The following VIT variants were observed in gnomAD, a reference collection of about 807,000 sequenced individuals.
VIT encodes the protein vitrin.
Under a neutral mutation model 78.0 loss-of-function variants are expected in VIT, and 99 were observed. That is an observed-to-expected ratio of 1.27 (90% CI 1.08 to 1.50). The LOEUF (loss-of-function observed/expected upper bound fraction) is 1.50. Among genes scored for constraint, VIT ranks in the 40% most tolerant of loss-of-function variants. The probability of loss-of-function intolerance (pLI) is 0.00; values close to 1 mark genes in which losing one functional copy is unlikely to be tolerated. For missense variants in VIT, 1,126 were observed against 875.3 expected, an observed-to-expected ratio of 1.29 and a Z score of -3.61; for synonymous variants, 374 against 334.3, an observed-to-expected ratio of 1.12 and a Z score of -1.29.
intron 3 of VIT, among the ~76,000 whole-genome samples, chr2:36,730,220 G>A (rs1330258189): frequency 4.6e-5 from 7 of 151,670 alleles, no homozygotes; most frequent in South Asian, 2.1e-4. Flanking sequence ...CCTGGGAGAT[G>A]CAGATTGCAG....
chr2:36,790,385 C>G (rs957216512), intron 12 of VIT, among the ~76,000 whole-genome samples: 3 of 152,204 alleles, frequency 2.0e-5, no homozygotes, highest in African/African-American at 7.2e-5. Flanking sequence ...GGTTTCTGAT[C>G]CTTCATAACT....
At chr2:36,748,546 T>A (rs1668273662) in intron 4 of VIT, among the ~76,000 whole-genome samples, 1 of 152,244 alleles carries the variant, frequency 6.6e-6, no homozygotes, top group African/African-American at 2.4e-5. Context: ...CTTCCAAATG[T>A]ATTATGAAAT....
chr2:36,723,411 G>A (rs72783146), intron 2 of VIT, among the ~76,000 whole-genome samples: 13,806 of 152,178 alleles, frequency 0.091, 663 homozygotes, highest in East Asian at 0.14. Flanking sequence ...GGCCCTGCCT[G>A]CTTATACTTC....
chr2:36,704,178 G>A (rs35430590), intron 1 of VIT, among the ~76,000 whole-genome samples: 48,443 of 151,754 alleles, frequency 0.32, 8,725 homozygotes, highest in Middle Eastern at 0.47. Flanking sequence ...CACCCACCTC[G>A]GCCTCCCAAA....
Position 36,699,814 on chromosome 2 carries a change from C to T in VIT, c.-19+2841C>T, listed in dbSNP as rs560690114. ...ATGCCTTAATTTAAAGCCTTACATG[C>T]GAGGTCAAGGCAAAAATGGACCTTC... On this transcript the variant is annotated intron_variant, in intron 1 of 15. Transcript: ENST00000379242. Among the ~76,000 whole-genome samples the T allele has an allele frequency of 7.2e-5, 11 of 152,188 alleles. No homozygotes were observed. In the East Asian group the frequency reaches 1.5e-3, roughly 21 times the overall value.
intron 2 of VIT, among the ~76,000 whole-genome samples, chr2:36,725,976 C>T (rs921016090): frequency 3.3e-5 from 5 of 151,324 alleles, no homozygotes; most frequent in Admixed American, 2.0e-4. Context: ...GAAGCTGGGT[C>T]AGGAGAATCG....
At chr2:36,733,983 T>C (rs1245612933) in intron 3 of VIT, among the ~76,000 whole-genome samples, 1 of 152,202 alleles carries the variant, frequency 6.6e-6, no homozygotes, top group Admixed American at 6.5e-5. Flanking sequence ...TTTAAACAAA[T>C]CACTTTAGCT....
At chr2:36,760,958 TC>T (rs1669080401) in intron 6 of VIT, among the ~76,000 whole-genome samples, 2 of 151,440 alleles carry the variant, frequency 1.3e-5, no homozygotes, top group South Asian at 4.2e-4. Flanking sequence ...GCTGCACCCC[TC>T]CCCCTCTCAG....
chr2:36,749,572 T>C (rs1479259071), intron 4 of VIT, among the ~76,000 whole-genome samples: 3 of 152,258 alleles, frequency 2.0e-5, no homozygotes, highest in Non-Finnish European at 4.4e-5. Context: ...TTTCTACTAC[T>C]CTTATGCACA....
intron 15 of VIT, among the ~76,000 whole-genome samples, chr2:36,809,353 T>C (rs1666982900): frequency 6.6e-6 from 1 of 152,204 alleles, no homozygotes; most frequent in African/African-American, 2.4e-5. Context: ...CAAACCTCCA[T>C]CTCTATTGAA....
intron 3 of VIT, among the ~76,000 whole-genome samples, chr2:36,737,888 C>T (rs929664899): frequency 4.6e-5 from 7 of 152,126 alleles, no homozygotes; most frequent in African/African-American, 1.7e-4. Flanking sequence ...TTTCTCAGAC[C>T]ATGAAAAAGG....
chr2:36,709,333 G>A (rs566932146), intron 1 of VIT, among the ~76,000 whole-genome samples: 5 of 152,272 alleles, frequency 3.3e-5, no homozygotes, highest in African/African-American at 1.2e-4. Flanking sequence ...ACCTTTGCAT[G>A]CTTCCAATTC....
chr2:36,814,540 A>G lies in VIT; in HGVS notation c.*179A>G. 1.3e-6 allele frequency: 1 copy of G among 768,644 alleles called. No homozygotes were observed. Among genetic ancestry groups the G allele is most frequent in the Non-Finnish European group, 2.0e-6 (1 of 499,736 alleles). The allele number at this position is 768,644 out of a possible 1,614,324, so 47.6% of individuals were successfully genotyped here. ...CATATTCCAAAACTTGGAGTTACAAAGATGATCACAAACGTATAGAATGAG... is the reference window on the plus strand; with the variant it reads ...CATATTCCAAAACTTGGAGTTACAAGGATGATCACAAACGTATAGAATGAG... On this transcript the variant is annotated 3_prime_UTR_variant, in exon 16 of 16. Transcript: ENST00000379242.
At chr2:36,774,615 C>T (rs765242397) in intron 8 of VIT, 214 of 985,414 alleles carry the variant, frequency 2.2e-4, no homozygotes, top group South Asian at 1.4e-3. Context: ...TGGATAGGAA[C>T]AGGGGCCCAA....
intron 3 of VIT, among the ~76,000 whole-genome samples, chr2:36,742,185 T>C (rs1049578197): frequency 6.6e-6 from 1 of 152,184 alleles, no homozygotes; most frequent in Non-Finnish European, 1.5e-5. Flanking sequence ...CTTCTGGAGT[T>C]ATTGAGGAAA....
At chr2:36,804,986 A>G (rs191709048) in intron 13 of VIT, among the ~76,000 whole-genome samples, 2 of 152,278 alleles carry the variant, frequency 1.3e-5, no homozygotes, top group East Asian at 1.9e-4. Flanking sequence ...AATTGTACAC[A>G]TAAAAATAGT....
intron 3 of VIT, among the ~76,000 whole-genome samples, chr2:36,734,277 CTT>C (rs968793035): frequency 6.6e-6 from 1 of 152,206 alleles, no homozygotes; most frequent in Non-Finnish European, 1.5e-5. Context: ...TCTAACCTCT[CTT>C]TTAGAAGCTC....
intron 2 of VIT, among the ~76,000 whole-genome samples, chr2:36,716,664 G>A (rs1225749196): frequency 1.3e-5 from 2 of 151,988 alleles, no homozygotes; most frequent in East Asian, 3.9e-4. Flanking sequence ...ATATGTCTTG[G>A]TATATTACCT....
At chr2:36,755,267 T>G (rs1266993755) in intron 5 of VIT, among the ~76,000 whole-genome samples, 1 of 152,240 alleles carries the variant, frequency 6.6e-6, no homozygotes, top group Non-Finnish European at 1.5e-5. Flanking sequence ...AGGCTCCACA[T>G]GCTTGTTTTA....
Sources: allele counts gnomAD v4.1 joint callset (sites outside exome capture counted in the v4.1 genomes callset), GRCh38; gene constraint gnomAD v4.1.1; transcripts MANE v1.5; gene names NCBI Gene and HGNC (gene_info 2026-07-23, HGNC 2026-07-21).